The following TACR3 variants were observed in gnomAD, a reference collection of about 807,000 sequenced individuals.
TACR3 encodes neuromedin-K receptor.
TACR3 carries 34 observed loss-of-function variants against 35.0 expected under a neutral mutation model. The observed-to-expected ratio is 0.97, with a 90% CI of 0.74 to 1.30. The LOEUF is 1.30. TACR3 is among the 50% of genes most tolerant of loss of function. TACR3 has a pLI of 0.00. For missense variants in TACR3, 558 were observed against 591.7 expected, an observed-to-expected ratio of 0.94 and a Z score of 0.59; for synonymous variants, 233 against 221.1, an observed-to-expected ratio of 1.05 and a Z score of -0.48.
At chr4:103,673,627 T>A (rs562213582) in intron 1 of TACR3, among the ~76,000 whole-genome samples, 20 of 152,030 alleles carry the variant, frequency 1.3e-4, no homozygotes, top group Middle Eastern at 3.4e-3. Flanking sequence ...AAAAATATGG[T>A]GACTATTGCC....
At chr4:103,636,016 T>C (rs188751028) in intron 3 of TACR3, among the ~76,000 whole-genome samples, 1 of 152,090 alleles carries the variant, frequency 6.6e-6, no homozygotes, top group Admixed American at 6.6e-5. Context: ...CACAAAACTT[T>C]GTGCTCATTT....
intron 1 of TACR3, among the ~76,000 whole-genome samples, chr4:103,666,453 G>T (rs1370612850): frequency 6.6e-6 from 1 of 151,930 alleles, no homozygotes; most frequent in East Asian, 1.9e-4. Flanking sequence ...AGAGATTTAG[G>T]TATTAAACAT....
chr4:103,688,923 C>A (rs1179952970), intron 1 of TACR3, among the ~76,000 whole-genome samples: 1 of 152,096 alleles, frequency 6.6e-6, no homozygotes, highest in African/African-American at 2.4e-5. Context: ...GACTATAAAT[C>A]ATGCTGCTAT....
rs777348214 is a variant in TACR3 at position 103,591,470 on chromosome 4, C to T, written c.1085+17G>A. 34 of 1,613,202 alleles carry T rather than the reference C, an allele frequency of 2.1e-5. No homozygotes were observed. Among genetic ancestry groups the T allele is most frequent in the African/African-American group, 1.5e-4 (11 of 74,870 alleles). On this transcript the variant is annotated intron_variant, in intron 4 of 4. Coordinates refer to ENST00000304883, the MANE Select transcript of TACR3 (RefSeq NM_001059.3). Reference sequence around the variant, plus strand: ...TGGGTGTGACAAGCAACTTGCATTTCGTAGTTTTGTTTTTACCTTTTATTC... The same window carrying T: ...TGGGTGTGACAAGCAACTTGCATTTTGTAGTTTTGTTTTTACCTTTTATTC...
At chr4:103,647,292 A>G (rs1725484138) in intron 3 of TACR3, among the ~76,000 whole-genome samples, 5 of 151,894 alleles carry the variant, frequency 3.3e-5, no homozygotes, top group Admixed American at 3.3e-4. Context: ...ATTTTAGCCA[A>G]TGTTTTAATA....
At chr4:103,672,779 T>C (rs1007668846) in intron 1 of TACR3, among the ~76,000 whole-genome samples, 1 of 152,194 alleles carries the variant, frequency 6.6e-6, no homozygotes, top group African/African-American at 2.4e-5. Flanking sequence ...GGCATTGACT[T>C]CTCCTCTCTA....
At chr4:103,659,934 A>G (rs1199113415) in intron 1 of TACR3, among the ~76,000 whole-genome samples, 1 of 152,124 alleles carries the variant, frequency 6.6e-6, no homozygotes, top group Non-Finnish European at 1.5e-5. Flanking sequence ...CACGATCTTT[A>G]TGTTGTTTCA....
chr4:103,612,556 A>G (rs1308456353), intron 3 of TACR3, among the ~76,000 whole-genome samples: 1 of 151,644 alleles, frequency 6.6e-6, no homozygotes, highest in Non-Finnish European at 1.5e-5. Flanking sequence ...TCTGTCACCC[A>G]GGCTGGAGTG....
chr4:103,692,852 G>A (rs1268879199), intron 1 of TACR3, among the ~76,000 whole-genome samples: 2 of 152,096 alleles, frequency 1.3e-5, no homozygotes, highest in Non-Finnish European at 2.9e-5. Context: ...CATTGCCCAG[G>A]CTTCTATGAG....
intron 1 of TACR3, among the ~76,000 whole-genome samples, chr4:103,708,515 T>A (rs891314607): frequency 7.2e-5 from 11 of 152,060 alleles, no homozygotes; most frequent in African/African-American, 2.7e-4. Context: ...TATGTCACCA[T>A]CATCAAAGAG....
chr4:103,614,746 C>CAT (rs10639718), intron 3 of TACR3, among the ~76,000 whole-genome samples: 87,031 of 151,056 alleles, frequency 0.58, 26,219 homozygotes, highest in African/African-American at 0.74. Flanking sequence ...ATGCCAAACT[C>CAT]AACATACTCT....
intron 1 of TACR3, among the ~76,000 whole-genome samples, chr4:103,698,010 G>T (rs969534820): frequency 1.3e-5 from 2 of 152,110 alleles, no homozygotes; most frequent in Non-Finnish European, 2.9e-5. Flanking sequence ...TATTTTAAAA[G>T]ATAATATTGA....
chr4:103,591,338 A>G, intron 4 of TACR3, 149 bp downstream of exon 4: 1 of 859,470 alleles, frequency 1.2e-6, no homozygotes, highest in Non-Finnish European at 1.9e-6. Flanking sequence ...GGGGTCTTGA[A>G]AGATAAAGCC....
At chr4:103,707,037 C>T (rs1292089821) in intron 1 of TACR3, among the ~76,000 whole-genome samples, 1 of 152,148 alleles carries the variant, frequency 6.6e-6, no homozygotes, top group Non-Finnish European at 1.5e-5. Context: ...CTGAAAATGT[C>T]GTTCACTGAG....
intron 1 of TACR3, among the ~76,000 whole-genome samples, chr4:103,682,436 G>A (rs577793494): frequency 1.3e-5 from 2 of 152,278 alleles, no homozygotes; most frequent in South Asian, 4.1e-4. Context: ...GCAGGCAAGA[G>A]AGACTGAGCA....
At chr4:103,679,217 A>G (rs1291095848) in intron 1 of TACR3, among the ~76,000 whole-genome samples, 1 of 152,036 alleles carries the variant, frequency 6.6e-6, no homozygotes, top group Non-Finnish European at 1.5e-5. Context: ...TTATAGGTAA[A>G]AGCCAATCAT....
intron 3 of TACR3, among the ~76,000 whole-genome samples, chr4:103,605,158 C>T (rs1261252249): frequency 1.3e-5 from 2 of 149,340 alleles, no homozygotes; most frequent in Non-Finnish European, 3.0e-5. Flanking sequence ...GACATGAACT[C>T]ATCATTTTTT....
At chr4:103,688,092 C>T (rs1340633929) in intron 1 of TACR3, among the ~76,000 whole-genome samples, 21 of 152,016 alleles carry the variant, frequency 1.4e-4, no homozygotes, top group South Asian at 2.1e-4. Context: ...GAAATAATGC[C>T]GCATATCTAC....
chr4:103,692,232 T>C (rs1031602182), intron 1 of TACR3, among the ~76,000 whole-genome samples: 8 of 152,034 alleles, frequency 5.3e-5, no homozygotes, highest in African/African-American at 1.9e-4. Context: ...CGTAAAAAGG[T>C]TTACCATGTA....
Sources: allele counts gnomAD v4.1 joint callset (sites outside exome capture counted in the v4.1 genomes callset), GRCh38; gene constraint gnomAD v4.1.1; transcripts MANE v1.5; gene names NCBI Gene and HGNC (gene_info 2026-07-23, HGNC 2026-07-21).